ANK3: variants seen among roughly 807,000 people sequenced by gnomAD.
ANK3 encodes ankyrin-3.
A neutral mutation model predicts 370.9 loss-of-function variants in ANK3; 57 were observed. The ratio of observed to expected loss-of-function variants is 0.15; its 90% confidence interval spans 0.12 to 0.19. ANK3 has a LOEUF of 0.19. Among genes scored for constraint, ANK3 ranks in the 10% least tolerant of loss-of-function variants. The probability of loss-of-function intolerance (pLI) is 1.00; values close to 1 mark genes in which losing one functional copy is unlikely to be tolerated. For missense variants in ANK3, 4,439 were observed against 5,302.1 expected, an observed-to-expected ratio of 0.84 and a Z score of 5.06; for synonymous variants, 1,929 against 1,946.3, an observed-to-expected ratio of 0.99 and a Z score of 0.23.
chr10:60,414,151 G>C (rs1019065870), intron 2 of ANK3, among the ~76,000 whole-genome samples: 3 of 152,096 alleles, frequency 2.0e-5, no homozygotes, highest in African/African-American at 7.2e-5. Flanking sequence ...GTTTCAATTA[G>C]TCTCACATCA....
At chr10:60,140,973 A>C in intron 23 of ANK3, 9 of 985,438 alleles carry the variant, frequency 9.1e-6, no homozygotes, top group Non-Finnish European at 1.1e-5. Flanking sequence ...CCAGGCGGGG[A>C]GTGGCATGGA....
At chr10:60,032,665 A>AT (rs1242504569) in intron 43 of ANK3, among the ~76,000 whole-genome samples, 14 of 152,144 alleles carry the variant, frequency 9.2e-5, no homozygotes, top group South Asian at 2.1e-4. Context: ...CTTTCTGGAT[A>AT]TATTGGATAT....
intron 2 of ANK3, among the ~76,000 whole-genome samples, chr10:60,548,683 T>C (rs2077025614): frequency 6.6e-6 from 1 of 152,180 alleles, no homozygotes; most frequent in Admixed American, 6.5e-5. Flanking sequence ...GTTTATTCCT[T>C]CATTCTAATG....
At chr10:60,570,175 A>C (rs1049362110) in intron 2 of ANK3, among the ~76,000 whole-genome samples, 1 of 152,224 alleles carries the variant, frequency 6.6e-6, no homozygotes, top group African/African-American at 2.4e-5. Context: ...AAACTGGTAG[A>C]GATAATTCAA....
chr10:60,350,546 A>G (rs769479916), intron 1 of ANK3, among the ~76,000 whole-genome samples: 10 of 152,350 alleles, frequency 6.6e-5, no homozygotes, highest in African/African-American at 1.4e-4. Context: ...GTTCAGGCCA[A>G]TCCTCTCAAT....
intron 2 of ANK3, among the ~76,000 whole-genome samples, chr10:60,409,898 T>C (rs2063525309): frequency 6.6e-6 from 1 of 152,122 alleles, no homozygotes; most frequent in Non-Finnish European, 1.5e-5. Context: ...TTCTGCCACC[T>C]CCCTTTTATC....
chr10:60,208,407 C>G (rs1441063666), intron 9 of ANK3, among the ~76,000 whole-genome samples, 174 bp from the exon 10 acceptor site: 1 of 152,208 alleles, frequency 6.6e-6, no homozygotes, highest in Non-Finnish European at 1.5e-5. Context: ...AAAACTGGTC[C>G]TCCCAACTGC....
At chr10:60,161,066 A>G (rs976399504) in intron 23 of ANK3, among the ~76,000 whole-genome samples, 2 of 152,208 alleles carry the variant, frequency 1.3e-5, no homozygotes, top group Non-Finnish European at 1.5e-5. Flanking sequence ...AAAGAAATAA[A>G]GGACATCCAA....
rs898606683 is a variant in ANK3 at position 60,248,918 on chromosome 10, A to G, written c.798+12941T>C. On this transcript the variant is annotated intron_variant, in intron 7 of 43. Coordinates refer to ENST00000280772, the MANE Select transcript of ANK3 (RefSeq NM_020987.5). ...TCTGAATCCAAGTAGCATAGTCTCT[A>G]TACAGAAAATGTTGCCGAGAAACAA... 2.6e-5 allele frequency among the ~76,000 whole-genome samples: 4 copies of G among 152,368 alleles called. No homozygotes were observed. The South Asian group carries it at 8.3e-4, about 32-fold the overall frequency.
At chr10:60,728,966 G>A (rs1209736852) in intron 1 of ANK3, among the ~76,000 whole-genome samples, 3 of 152,152 alleles carry the variant, frequency 2.0e-5, no homozygotes, top group Non-Finnish European at 2.9e-5. Context: ...AGACAATGCA[G>A]TTGTATTTTC....
intron 40 of ANK3, chr10:60,059,965 A>T: frequency 1.2e-6 from 2 of 1,610,364 alleles, no homozygotes; most frequent in Non-Finnish European, 1.7e-6. Context: ...GTGTAGTGCA[A>T]CCCTGTGGGG....
intron 2 of ANK3, among the ~76,000 whole-genome samples, chr10:60,464,737 A>T (rs2064970312): frequency 6.6e-6 from 1 of 152,164 alleles, no homozygotes; most frequent in African/African-American, 2.4e-5. Context: ...TCAACAACAA[A>T]ATTATAACAC....
chr10:60,048,425 A>C (rs1362183298), intron 42 of ANK3, among the ~76,000 whole-genome samples: 2 of 152,156 alleles, frequency 1.3e-5, no homozygotes. Flanking sequence ...AGCAAAAAGG[A>C]ATACTTTTTC....
At chr10:60,541,896 A>T (rs2076856918) in intron 2 of ANK3, among the ~76,000 whole-genome samples, 1 of 151,868 alleles carries the variant, frequency 6.6e-6, no homozygotes, top group South Asian at 2.1e-4. Context: ...ATTTGTGATG[A>T]TCCTTTTATT....
intron 42 of ANK3, among the ~76,000 whole-genome samples, chr10:60,050,430 G>A (rs1209205384): frequency 6.6e-6 from 1 of 152,150 alleles, no homozygotes; most frequent in African/African-American, 2.4e-5. Flanking sequence ...AAAGCACCAG[G>A]ATTAAGAAAT....
chr10:60,612,577 C>T (rs898407697), intron 2 of ANK3, among the ~76,000 whole-genome samples: 16 of 152,134 alleles, frequency 1.1e-4, no homozygotes, highest in South Asian at 2.1e-4. Flanking sequence ...CTGCAACCTC[C>T]GCCTCCCAGA....
chr10:60,057,141 T>C (rs1398214397), intron 41 of ANK3, among the ~76,000 whole-genome samples: 1 of 152,214 alleles, frequency 6.6e-6, no homozygotes, highest in Non-Finnish European at 1.5e-5. Flanking sequence ...ATACCTTTAC[T>C]TGAATCTCAT....
chr10:60,077,311 TACAC>T (rs925473394), intron 36 of ANK3, among the ~76,000 whole-genome samples: 2 of 152,082 alleles, frequency 1.3e-5, no homozygotes, highest in Non-Finnish European at 2.9e-5. Flanking sequence ...TGTGTACATA[TACAC>T]ACACAAAGAA....
intron 9 of ANK3, among the ~76,000 whole-genome samples, 184 bp from the exon 10 acceptor site, chr10:60,208,417 CT>C (rs2096796859): frequency 6.6e-6 from 1 of 152,200 alleles, no homozygotes; most frequent in African/African-American, 2.4e-5. Flanking sequence ...CTCCCAACTG[CT>C]TATGCCAGTC....
Sources: gnomAD v4.1 joint callset for allele counts (sites outside exome capture counted in the v4.1 genomes callset) on GRCh38, gnomAD v4.1.1 for gene constraint, MANE v1.5 for transcripts, NCBI Gene and HGNC (gene_info 2026-07-23, HGNC 2026-07-21) for gene names.